The following CLIC5 variants were observed in gnomAD, a reference collection of about 807,000 sequenced individuals.
The protein encoded by CLIC5 is chloride intracellular channel protein 5.
In CLIC5, 20 loss-of-function variants were observed where a neutral mutation model predicts 24.7. That is an observed-to-expected ratio of 0.81 (90% confidence interval 0.57 to 1.18). The LOEUF (loss-of-function observed/expected upper bound fraction) is 1.18. Ranked by LOEUF, CLIC5 falls within the 50% of genes most tolerant of loss-of-function variation. CLIC5 has a pLI of 0.00. For synonymous variants in CLIC5, 159 were observed against 135.6 expected (o/e 1.17, Z -1.20); for missense variants, 341 against 326.1 (o/e 1.05, Z -0.35).
chr6:46,015,454 C>T (rs762733981), intron 1 of CLIC5, 26 bp downstream of exon 1: 6 of 1,477,708 alleles, frequency 4.1e-6, no homozygotes, highest in Non-Finnish European at 5.4e-6. Context: ...GCGGCAGGTG[C>T]GGCGGGAGAC....
At chr6:45,991,917 T>A (rs1765956337) in intron 1 of CLIC5, among the ~76,000 whole-genome samples, 1 of 152,244 alleles carries the variant, frequency 6.6e-6, no homozygotes. Context: ...ACTTTAATTG[T>A]TATGTTGTGG....
chr6:46,109,287 C>T, the CLIC5 span, among the ~76,000 whole-genome samples: 1 of 152,204 alleles, frequency 6.6e-6, no homozygotes, highest in African/African-American at 2.4e-5. Flanking sequence ...CAGTATTTAA[C>T]ACTCTTGAAT....
Position 45,906,718 on chromosome 6 carries a change from A to T in CLIC5, c.589-3463T>A, listed in dbSNP as rs190284622. On this transcript the variant is annotated intron_variant, in intron 5 of 5. Transcript: ENST00000339561. ...GCTGGGATTACAGGCATGCGCCACCATGCCCAGCTAATTTTGTGTTTTTAG... is the reference window on the plus strand; with the variant it reads ...GCTGGGATTACAGGCATGCGCCACCTTGCCCAGCTAATTTTGTGTTTTTAG... Among the ~76,000 whole-genome samples the T allele has an allele frequency of 3.0e-3, 457 of 152,156 alleles. 1 individual carries two copies. Among genetic ancestry groups the T allele is most frequent in the African/African-American group, 9.2e-3 (382 of 41,512 alleles).
chr6:46,007,810 A>G (rs920966786), intron 1 of CLIC5, among the ~76,000 whole-genome samples: 1 of 152,054 alleles, frequency 6.6e-6, no homozygotes, highest in Non-Finnish European at 1.5e-5. Context: ...TTATAGAAAA[A>G]AAAAACTTAC....
At chr6:45,909,806 T>G (rs533736591) in intron 5 of CLIC5, among the ~76,000 whole-genome samples, 1 of 152,346 alleles carries the variant, frequency 6.6e-6, no homozygotes, top group African/African-American at 2.4e-5. Flanking sequence ...GGATTTCTTG[T>G]ATCTGTATAT....
chr6:45,889,595 CAAAT>C (rs1054436050), intron 6 of CLIC5, among the ~76,000 whole-genome samples: 22 of 152,008 alleles, frequency 1.4e-4, no homozygotes, highest in African/African-American at 5.1e-4. Flanking sequence ...GTACAAGAAA[CAAAT>C]AAAGTCTTAA....
At chr6:45,891,028 T>C (rs961257731) in intron 6 of CLIC5, among the ~76,000 whole-genome samples, 1 of 152,208 alleles carries the variant, frequency 6.6e-6, no homozygotes, top group African/African-American at 2.4e-5. Flanking sequence ...ACGATTATAG[T>C]TAATAATAAT....
intron 6 of CLIC5, among the ~76,000 whole-genome samples, chr6:45,884,080 C>T (rs935424975): frequency 3.3e-5 from 5 of 152,168 alleles, no homozygotes; most frequent in Non-Finnish European, 5.9e-5. Flanking sequence ...ATGAGAGGGT[C>T]TGGGACTGGT....
intron 1 of CLIC5, among the ~76,000 whole-genome samples, chr6:46,007,714 A>T (rs138288989): frequency 6.6e-6 from 1 of 152,254 alleles, no homozygotes; most frequent in African/African-American, 2.4e-5. Context: ...TTGGGAACTT[A>T]TCTCATCAGA....
intron 5 of CLIC5, among the ~76,000 whole-genome samples, chr6:45,907,644 A>G (rs1332096621): frequency 6.6e-6 from 1 of 152,108 alleles, no homozygotes; most frequent in African/African-American, 2.4e-5. Context: ...CTGTGAATCC[A>G]CCTAGTCTGG....
chr6:46,099,470 T>C, the CLIC5 span, among the ~76,000 whole-genome samples: 8 of 152,198 alleles, frequency 5.3e-5, no homozygotes, highest in African/African-American at 1.9e-4. Flanking sequence ...CTGATGTATT[T>C]GTACTGGAAA....
Position 45,941,609 on chromosome 6 carries a change from C to T in CLIC5, c.344G>A (p.Gly115Asp). Reference protein sequence around the residue: ...AAKHRESNTAGIDIFSKFSAY... With the variant: ...AAKHRESNTADIDIFSKFSAY... ...AGAAAACTTGGAAAAGATGTCGATGCCCGCTGTGTTGGATTCCCGGTGTTT... is the reference window on the plus strand; with the variant it reads ...AGAAAACTTGGAAAAGATGTCGATGTCCGCTGTGTTGGATTCCCGGTGTTT... The change falls in exon 4 of 6, where the codon GGC becomes GAC. Residue 115 changes from glycine to aspartate, a missense_variant. By Grantham distance (94) the Gly-to-Asp change is moderately conservative. Transcript: ENST00000339561. The T allele has an allele frequency of 1.2e-6, 2 of 1,613,878 alleles. No individual in the cohort carries two copies. The highest frequency in any genetic ancestry group is 1.7e-6 in the Non-Finnish European group (2 of 1,179,910).
At chr6:46,001,897 C>T (rs900596187) in intron 1 of CLIC5, among the ~76,000 whole-genome samples, 6 of 152,144 alleles carry the variant, frequency 3.9e-5, no homozygotes, top group Non-Finnish European at 8.8e-5. Context: ...GAGAGAGATG[C>T]TCTGCAAATT....
chr6:45,973,615 G>A lies in CLIC5; in HGVS notation c.64-18371C>T, dbSNP rs114321708. Reference sequence around the variant, plus strand: ...AATCACTAATATTTGATCCTCAAAAGCAAAATACTATGAAAACATGTTCAT... The same window carrying A: ...AATCACTAATATTTGATCCTCAAAAACAAAATACTATGAAAACATGTTCAT... On this transcript the variant is annotated intron_variant, in intron 1 of 5. Transcript: ENST00000339561. Among the ~76,000 whole-genome samples, 1,046 of 152,232 alleles carry A rather than the reference G, an allele frequency of 6.9e-3. 9 individuals are homozygous for A. The highest frequency in any genetic ancestry group is 0.023 in the African/African-American group (935 of 41,546).
At chr6:46,088,698 C>T in the CLIC5 span, among the ~76,000 whole-genome samples, 1 of 152,018 alleles carries the variant, frequency 6.6e-6, no homozygotes, top group African/African-American at 2.4e-5. Flanking sequence ...TAAATTTAAG[C>T]ATTTATACAA....
In CLIC5 at chr6:45,907,452, G is replaced by A. The variant is rs1762692361; in HGVS notation, c.589-4197C>T. On this transcript the variant is annotated intron_variant, in intron 5 of 5. Transcript: ENST00000339561. The stretch of plus-strand genomic sequence containing the variant: ...TAGTATTTTGTTGTGAATTTTTTGT[G>A]TCTATGTTCATCAGGGATATTGGCT... Among the ~76,000 whole-genome samples, 2 of 152,068 alleles carry A rather than the reference G, an allele frequency of 1.3e-5. 1 individual carries two copies. Among genetic ancestry groups the A allele is most frequent in the South Asian group, 4.2e-4 (2 of 4,818 alleles).
chr6:45,926,194 T>TACACAC (rs376453758), intron 4 of CLIC5, among the ~76,000 whole-genome samples: 2 of 147,556 alleles, frequency 1.4e-5, no homozygotes, highest in Non-Finnish European at 3.0e-5. Flanking sequence ...CACACACACA[T>TACACAC]ACACACACAC....
chr6:45,883,067 C>T (rs999735839), intron 6 of CLIC5, among the ~76,000 whole-genome samples: 5 of 152,270 alleles, frequency 3.3e-5, no homozygotes, highest in African/African-American at 1.2e-4. Context: ...GGTGGGCAGG[C>T]GGCCCCATTA....
downstream of CLIC5, among the ~76,000 whole-genome samples, chr6:45,896,436 T>C (rs1581705396): frequency 7.5e-6 from 1 of 133,954 alleles, no homozygotes; most frequent in Non-Finnish European, 1.6e-5. Flanking sequence ...AAAGGAGCCT[T>C]GCTCAAGGGC....
Sources: allele counts gnomAD v4.1 joint callset (sites outside exome capture counted in the v4.1 genomes callset), GRCh38; gene constraint gnomAD v4.1.1; transcripts MANE v1.5; gene names NCBI Gene and HGNC (gene_info 2026-07-23, HGNC 2026-07-21).